The following LRRTM4 variants were observed in gnomAD, a reference collection of about 807,000 sequenced individuals.
LRRTM4 encodes leucine rich repeat transmembrane neuronal 4.
Under a neutral mutation model 47.6 loss-of-function variants are expected in LRRTM4, and 25 were observed. That is an observed-to-expected ratio of 0.53 (90% confidence interval 0.38 to 0.73). The LOEUF is 0.73. Among genes scored for constraint, LRRTM4 ranks in the 30% least tolerant of loss-of-function variants. The probability of loss-of-function intolerance (pLI) is 0.00; values close to 1 mark genes in which losing one functional copy is unlikely to be tolerated. For synonymous variants in LRRTM4, 311 were observed against 269.5 expected (o/e 1.15, Z -1.51); for missense variants, 638 against 713.4 (o/e 0.89, Z 1.20).
chr2:77,008,983 G>A (rs1213115744), intron 3 of LRRTM4: 1 of 150,052 alleles, frequency 6.7e-6, no homozygotes, highest in Non-Finnish European at 1.5e-5. Context: ...CAGCTAAACA[G>A]TTTTACTGAC....
chr2:77,386,896 A>T (rs1350392161), intron 3 of LRRTM4, among the ~76,000 whole-genome samples: 2 of 152,120 alleles, frequency 1.3e-5, no homozygotes, highest in Non-Finnish European at 2.9e-5. Context: ...TGGCACATGT[A>T]TACCTATGTA....
rs993447618 is a variant in LRRTM4, at chr2:77,287,112, T to C, written c.1551+231206A>G. On this transcript the variant is annotated intron_variant, in intron 3 of 3. Transcript: ENST00000409884. ...AAAGAAGGACCTCTGTATCATTCAC[T>C]GGGTGTGGAAATGTGGGTTACACAA... Among the ~76,000 whole-genome samples, 3 of 152,056 alleles carry C rather than the reference T, an allele frequency of 2.0e-5. No individual in the cohort carries two copies. The East Asian group carries it at 5.8e-4, about 29-fold the overall frequency.
chr2:77,433,979 T>C (rs17751180), intron 3 of LRRTM4, among the ~76,000 whole-genome samples: 50,339 of 152,000 alleles, frequency 0.33, 8,441 homozygotes, highest in South Asian at 0.37. Context: ...TTATGGGATT[T>C]GAGAGCAGAG....
chr2:77,362,169 G>GAAAGAAAGAAAGAA (rs1188043832), intron 3 of LRRTM4, among the ~76,000 whole-genome samples: 1 of 151,648 alleles, frequency 6.6e-6, no homozygotes, highest in Non-Finnish European at 1.5e-5. Context: ...AAGAAAGAAA[G>GAAAGAAAGAAAGAA]AAAGGAAGGA....
In LRRTM4 at chr2:77,444,305, TGAG is replaced by T. The variant is rs1199559370; in HGVS notation, c.1551+74010_1551+74012del. On this transcript the variant is annotated intron_variant, in intron 3 of 3. Transcript: ENST00000409884. ...AGCAAGTCACATAGTGACAAAGTTT[TGAG>T]GAGATCATTCACTCAACAAAAGTAA... is the stretch of plus-strand genomic sequence containing the variant. Among the ~76,000 whole-genome samples the T allele has an allele frequency of 2.0e-5, 3 of 152,152 alleles. No individual in the cohort carries two copies. In the East Asian group the frequency reaches 5.8e-4, roughly 29 times the overall value.
chr2:77,230,774 G>C (rs1674939737), intron 3 of LRRTM4, among the ~76,000 whole-genome samples: 1 of 152,102 alleles, frequency 6.6e-6, no homozygotes. Flanking sequence ...TGAACAGCAT[G>C]ACTGACGTAG....
chr2:76,892,974 A>G (rs755263661), intron 3 of LRRTM4, among the ~76,000 whole-genome samples: 3 of 151,354 alleles, frequency 2.0e-5, no homozygotes, highest in Non-Finnish European at 4.4e-5. Context: ...CAAAGTGTGA[A>G]AAGACGGAAA....
chr2:76,959,396 A>G (rs1056339296), intron 3 of LRRTM4, among the ~76,000 whole-genome samples: 17 of 151,700 alleles, frequency 1.1e-4, no homozygotes, highest in South Asian at 8.3e-4. Context: ...GAGGTGGGTG[A>G]TAAGACTGAT....
intron 3 of LRRTM4, among the ~76,000 whole-genome samples, chr2:77,168,476 T>C (rs12172893): frequency 0.64 from 97,522 of 151,828 alleles, 31,308 homozygotes; most frequent in South Asian, 0.69. Context: ...TATTTTGATA[T>C]ATATGTACAA....
chr2:76,968,699 T>C (rs10198983), intron 3 of LRRTM4, among the ~76,000 whole-genome samples: 35,860 of 151,438 alleles, frequency 0.24, 5,216 homozygotes, highest in African/African-American at 0.41. Context: ...GAGCACATGA[T>C]GTCTAGTAAA....
At chr2:77,291,878 C>A (rs1325680324) in intron 3 of LRRTM4, among the ~76,000 whole-genome samples, 1 of 151,768 alleles carries the variant, frequency 6.6e-6, no homozygotes, top group Non-Finnish European at 1.5e-5. Context: ...TTCTGCACAG[C>A]AAAAGAAACT....
intron 3 of LRRTM4, among the ~76,000 whole-genome samples, chr2:76,937,399 G>A (rs918233373): frequency 1.3e-5 from 2 of 152,140 alleles, no homozygotes; most frequent in Non-Finnish European, 1.5e-5. Flanking sequence ...ATGATGTGAT[G>A]GGAAATTGGC....
intron 3 of LRRTM4, among the ~76,000 whole-genome samples, chr2:77,440,224 C>G (rs1313265860): frequency 6.6e-6 from 1 of 152,068 alleles, no homozygotes; most frequent in African/African-American, 2.4e-5. Flanking sequence ...ACCATCCTGG[C>G]TAACACGGTG....
At chr2:77,057,011 C>T (rs555300477) in intron 3 of LRRTM4, among the ~76,000 whole-genome samples, 1 of 152,310 alleles carries the variant, frequency 6.6e-6, no homozygotes, top group Non-Finnish European at 1.5e-5. Context: ...GGTAACATAG[C>T]CATGACTATT....
At chr2:76,840,234 A>G (rs1573194344) in intron 3 of LRRTM4, among the ~76,000 whole-genome samples, 1 of 152,322 alleles carries the variant, frequency 6.6e-6, no homozygotes, top group East Asian at 1.9e-4. Flanking sequence ...TTTTTCCCCA[A>G]AACTATAGTT....
At chr2:76,831,852 ATATAATC>A (rs1215539930) in intron 3 of LRRTM4, among the ~76,000 whole-genome samples, 3 of 152,108 alleles carry the variant, frequency 2.0e-5, no homozygotes, top group Non-Finnish European at 4.4e-5. Flanking sequence ...GCAGAAGGAA[ATATAATC>A]TATATTTGAC....
intron 3 of LRRTM4, among the ~76,000 whole-genome samples, chr2:77,213,761 C>T (rs1371799474): frequency 6.6e-6 from 1 of 152,092 alleles, no homozygotes; most frequent in Non-Finnish European, 1.5e-5. Context: ...TGCCAGCTCC[C>T]TTCCTTTCAG....
At chr2:77,034,598 A>G (rs1678773152) in intron 3 of LRRTM4, among the ~76,000 whole-genome samples, 1 of 151,880 alleles carries the variant, frequency 6.6e-6, no homozygotes, top group African/African-American at 2.4e-5. Context: ...TTTCATAATC[A>G]TGGTGCAGTG....
At chr2:77,197,255 C>T (rs1321270509) in intron 3 of LRRTM4, among the ~76,000 whole-genome samples, 2 of 151,994 alleles carry the variant, frequency 1.3e-5, no homozygotes, top group Non-Finnish European at 2.9e-5. Context: ...AATAAGTGTG[C>T]TCCTGGAAAA....
Sources: gnomAD v4.1 joint callset for allele counts (sites outside exome capture counted in the v4.1 genomes callset) on GRCh38, gnomAD v4.1.1 for gene constraint, MANE v1.5 for transcripts, NCBI Gene and HGNC (gene_info 2026-07-23, HGNC 2026-07-21) for gene names.